Variants in NBEA observed in about 807,000 individuals in gnomAD.
NBEA encodes neurobeachin.
A neutral mutation model predicts 343.4 loss-of-function variants in NBEA; 44 were observed. That is an observed-to-expected ratio of 0.13 (90% CI 0.10 to 0.16). The LOEUF (loss-of-function observed/expected upper bound fraction) is 0.16. Ranked by LOEUF, NBEA falls within the 10% of genes least tolerant of loss-of-function variation. The pLI is 1.00. For missense variants in NBEA, 2,555 were observed against 3,631.3 expected (o/e 0.70, Z 7.62); for synonymous variants, 1,175 against 1,238.7 (o/e 0.95, Z 1.08).
intron 49 of NBEA, among the ~76,000 whole-genome samples, chr13:35,632,570 T>G (rs2083500064): frequency 6.6e-6 from 1 of 151,956 alleles, no homozygotes; most frequent in South Asian, 2.1e-4. Flanking sequence ...TTTCAAAAAT[T>G]TAAAACCATT....
chr13:35,290,149 C>T (rs1249633261), intron 34 of NBEA, among the ~76,000 whole-genome samples: 1 of 151,740 alleles, frequency 6.6e-6, no homozygotes, highest in Non-Finnish European at 1.5e-5. Context: ...ATTTTCACAT[C>T]ATCTTGTGAC....
chr13:35,575,684 T>C (rs1251232225), intron 45 of NBEA, among the ~76,000 whole-genome samples: 1 of 152,200 alleles, frequency 6.6e-6, no homozygotes, highest in Admixed American at 6.5e-5. Context: ...ATCACCATGA[T>C]TATATCTAAC....
chr13:35,186,411 T>C (rs934140700), intron 30 of NBEA: 4 of 152,176 alleles, frequency 2.6e-5, no homozygotes, highest in Non-Finnish European at 5.9e-5. Context: ...ATTTTATATT[T>C]TATTTTCCAG....
chr13:35,046,604 G>A (rs1220768032), intron 4 of NBEA, among the ~76,000 whole-genome samples: 1 of 152,024 alleles, frequency 6.6e-6, no homozygotes, highest in Non-Finnish European at 1.5e-5. Context: ...ACATACCTGT[G>A]ATAAGGTTTA....
intron 40 of NBEA, among the ~76,000 whole-genome samples, chr13:35,456,723 T>C (rs1353632123): frequency 6.6e-6 from 1 of 151,998 alleles, no homozygotes; most frequent in African/African-American, 2.4e-5. Flanking sequence ...CAATGAAACG[T>C]ATTTCATTTC....
chr13:35,613,459 A>G (rs1020329222), intron 48 of NBEA, among the ~76,000 whole-genome samples: 1 of 152,122 alleles, frequency 6.6e-6, no homozygotes, highest in African/African-American at 2.4e-5. Flanking sequence ...GTTGGTAGAC[A>G]CTTAGGTTGC....
chr13:35,299,036 C>G (rs2036354443), intron 35 of NBEA, among the ~76,000 whole-genome samples: 1 of 151,796 alleles, frequency 6.6e-6, no homozygotes, highest in Non-Finnish European at 1.5e-5. Flanking sequence ...GTGTTTTTTT[C>G]ACTTCACTCC....
chr13:35,295,762 G>A (rs1333372834), intron 35 of NBEA, among the ~76,000 whole-genome samples: 2 of 151,998 alleles, frequency 1.3e-5, no homozygotes, highest in Admixed American at 6.6e-5. Context: ...CAGGAAGACG[G>A]GCTCTCTGTT....
intron 55 of NBEA, among the ~76,000 whole-genome samples, chr13:35,659,967 A>G (rs2153084283): frequency 6.6e-6 from 1 of 152,322 alleles, no homozygotes; most frequent in Non-Finnish European, 1.5e-5. Flanking sequence ...CAGAGCAGGC[A>G]ATTTGTGCTA....
intron 9 of NBEA, 33 bp from the exon 10 acceptor site, chr13:35,070,686 A>G (rs2063832348): frequency 1.3e-6 from 2 of 1,532,408 alleles, no homozygotes; most frequent in Non-Finnish European, 1.8e-6. Context: ...CATTCTATAG[A>G]AGTTTAATAA....
chr13:35,343,971 A>G (rs1247056012), intron 36 of NBEA, among the ~76,000 whole-genome samples: 1 of 152,036 alleles, frequency 6.6e-6, no homozygotes, highest in Non-Finnish European at 1.5e-5. Context: ...CCGTGGAAAA[A>G]TTGTCGTCCA....
At chr13:35,138,405 A>C (rs1189946151) in intron 17 of NBEA, among the ~76,000 whole-genome samples, 1 of 152,044 alleles carries the variant, frequency 6.6e-6, no homozygotes, top group African/African-American at 2.4e-5. Context: ...GTAGAAAAAA[A>C]TTGGAAATTA....
intron 41 of NBEA, among the ~76,000 whole-genome samples, chr13:35,544,102 AG>A (rs1277669011): frequency 6.6e-6 from 1 of 152,204 alleles, no homozygotes; most frequent in Admixed American, 6.5e-5. Context: ...AAATTATAAA[AG>A]TAATAGGGAT....
intron 40 of NBEA, among the ~76,000 whole-genome samples, chr13:35,457,877 G>A (rs1318265079): frequency 6.6e-6 from 1 of 151,362 alleles, no homozygotes; most frequent in East Asian, 1.9e-4. Flanking sequence ...AAAGTGCTGG[G>A]ATCACAGGCG....
chr13:35,453,635 T>A (rs1455292497), intron 40 of NBEA, among the ~76,000 whole-genome samples: 6 of 152,210 alleles, frequency 3.9e-5, no homozygotes, highest in Admixed American at 6.5e-5. Flanking sequence ...CCTATTCATA[T>A]ATGCTAGCAG....
chr13:35,046,826 G>C (rs1290528895), intron 4 of NBEA, among the ~76,000 whole-genome samples: 1 of 152,026 alleles, frequency 6.6e-6, no homozygotes, highest in Non-Finnish European at 1.5e-5. Flanking sequence ...ACAGATAAGA[G>C]GGGATCTACT....
At chr13:35,389,473 A>C (rs2042396192) in intron 38 of NBEA, among the ~76,000 whole-genome samples, 1 of 152,106 alleles carries the variant, frequency 6.6e-6, no homozygotes, top group South Asian at 2.1e-4. Flanking sequence ...TCTATTTCTT[A>C]CTGTTAACAA....
chr13:35,330,961 A>C (rs1056853092), intron 36 of NBEA, among the ~76,000 whole-genome samples: 2 of 151,742 alleles, frequency 1.3e-5, no homozygotes, highest in Non-Finnish European at 2.9e-5. Flanking sequence ...TTCATCCTTC[A>C]AAAAAAAGTT....
Position 35,000,262 on chromosome 13 carries a change from G to A in NBEA, c.295-40671G>A, listed in dbSNP as rs142326206. 6.8e-4 allele frequency among the ~76,000 whole-genome samples: 103 copies of A among 152,212 alleles called. 1 individual carries two copies. Among genetic ancestry groups the A allele is most frequent in the African/African-American group, 2.5e-3 (102 of 41,544 alleles). Reference sequence around the variant, plus strand: ...AAAATAATGGGATACAGGATGTAATGATGCACAAAGAAAGCAGTAAAACAT... The same window carrying A: ...AAAATAATGGGATACAGGATGTAATAATGCACAAAGAAAGCAGTAAAACAT... On this transcript the variant is annotated intron_variant, in intron 1 of 58. Coordinates refer to ENST00000379939, the MANE Select transcript of NBEA (RefSeq NM_001385012.1).
Sources: gnomAD v4.1 joint callset for allele counts (sites outside exome capture counted in the v4.1 genomes callset) on GRCh38, gnomAD v4.1.1 for gene constraint, MANE v1.5 for transcripts, NCBI Gene and HGNC (gene_info 2026-07-23, HGNC 2026-07-21) for gene names.